CHD3: variants seen among roughly 807,000 people sequenced by gnomAD.
CHD3 encodes chromodomain helicase DNA binding protein 3, also known as ATP-dependent chromatin remodeler CHD3.
CHD3 carries 52 observed loss-of-function variants against 248.9 expected under a neutral mutation model. That is an observed-to-expected ratio of 0.21 (90% CI 0.17 to 0.26). The LOEUF (loss-of-function observed/expected upper bound fraction) is 0.26. Among genes scored for constraint, CHD3 ranks in the 10% least tolerant of loss-of-function variants. The pLI, the probability that CHD3 is intolerant of heterozygous loss-of-function variation, is 1.00. For missense variants in CHD3, 1,482 were observed against 2,605.8 expected, an observed-to-expected ratio of 0.57 and a Z score of 9.39; for synonymous variants, 985 against 985.2, an observed-to-expected ratio of 1.00 and a Z score of 0.00.
At position 7,890,884 on chromosome 17, in the gene CHD3, C is replaced by G. The variant is rs12450454; in HGVS notation, c.385-56C>G. On this transcript the variant is annotated intron_variant, in intron 3 of 39. Coordinates refer to ENST00000330494, the MANE Select transcript of CHD3 (RefSeq NM_001005273.3). ...GTGGGTAGGTAGACAGGCCTGTGTGCGGCCTGGAATAGGGGCTGGAGGAGC... is the reference window on the plus strand; with the variant it reads ...GTGGGTAGGTAGACAGGCCTGTGTGGGGCCTGGAATAGGGGCTGGAGGAGC... The G allele has an allele frequency of 0.48, 776,153 of 1,608,024 alleles. 202,521 individuals are homozygous for G. The highest frequency in any genetic ancestry group is 0.97 in the East Asian group (43,577 of 44,816).
rs1257053893 is a variant in CHD3, at chr17:7,890,609, C to T, written c.252C>T (p.Tyr84=). 2 of 1,600,944 alleles carry T rather than the reference C, an allele frequency of 1.2e-6. No homozygotes were observed. The highest frequency in any genetic ancestry group is 1.7e-6 in the Non-Finnish European group (2 of 1,175,880). The change falls in exon 3 of 40, where the codon TAC becomes TAT. Residue 84 remains tyrosine (Y), a synonymous_variant. Transcript: ENST00000330494. ...EEEFGSERDE[Y]REKSESGGSE... Reference sequence around the variant, plus strand: ...AATTTGGTTCTGAGCGAGATGAGTACCGGGAGAAGTCAGAGAGTGGGGGCA... The same window carrying T: ...AATTTGGTTCTGAGCGAGATGAGTATCGGGAGAAGTCAGAGAGTGGGGGCA...
chr17:7,891,795 AG>A (rs1268284294), intron 4 of CHD3, among the ~76,000 whole-genome samples: 6 of 151,048 alleles, frequency 4.0e-5, no homozygotes, highest in Non-Finnish European at 7.4e-5. Flanking sequence ...CGGGAGGCAA[AG>A]GTTGTAGTGA....
chr17:7,911,648 C>T lies in CHD3; in HGVS notation c.*63C>T, dbSNP rs1357517901. On this transcript the variant is annotated 3_prime_UTR_variant, in exon 40 of 40. Coordinates refer to ENST00000330494, the MANE Select transcript of CHD3 (RefSeq NM_001005273.3). The surrounding 1 kb of genome is among the most constrained non-coding windows in gnomAD (Gnocchi z 5.4). ...CCGAGGCCGACCCCCAGCTCAAGCG[C>T]TGGGGCCTGCTGCCAGCCCTCCACC... 5 of 1,609,732 alleles carry T rather than the reference C, an allele frequency of 3.1e-6. No homozygotes were observed. The highest frequency in any genetic ancestry group is 4.2e-6 in the Non-Finnish European group (5 of 1,177,664).
At chr17:7,901,990 G>C (rs1357812952) in intron 20 of CHD3, among the ~76,000 whole-genome samples, 1 of 152,002 alleles carries the variant, frequency 6.6e-6, no homozygotes, top group Non-Finnish European at 1.5e-5. Flanking sequence ...GAAAGCTCTG[G>C]GTCTACTCAC....
chr17:7,897,936 C>G lies in CHD3; in HGVS notation c.1920-35C>G, dbSNP rs1969884524. 1.5e-5 allele frequency: 24 copies of G among 1,596,930 alleles called. No individual in the cohort carries two copies. Among genetic ancestry groups the G allele is most frequent in the Non-Finnish European group, 2.0e-5 (24 of 1,172,812 alleles). Reference sequence around the variant, plus strand: ...CTGTTTGTGATCTGTGCAATATTTTCCTCCTGCTCCTCCCCATGGCCTCCT... The same window carrying G: ...CTGTTTGTGATCTGTGCAATATTTTGCTCCTGCTCCTCCCCATGGCCTCCT... On this transcript the variant is annotated intron_variant, in intron 11 of 39. Transcript: ENST00000330494. The surrounding 1 kb of genome is among the most constrained non-coding windows in gnomAD (Gnocchi z 4.8).
chr17:7,900,986 C>T lies in CHD3; in HGVS notation c.3113C>T (p.Ala1038Val). Residue 1038 changes from alanine to valine, a missense_variant, in exon 19 of 40, where the codon GCT becomes GTT. By Grantham distance (64) the Ala-to-Val change is moderately conservative. Around this residue, in one of 20 missense-constraint regions of CHD3, gnomAD observed 31 missense variants for 53.9 expected, o/e 0.58. Transcript: ENST00000330494. This position sits in a 1 kb window ranked among gnomAD's most constrained non-coding sequence, Gnocchi z 6.5. ...CCNHPYLFPV[A>V]AMESPKLPSG... The stretch of plus-strand genomic sequence containing the variant: ...AACCATCCATACCTTTTTCCCGTGG[C>T]TGCTATGGTAGATACACAGAGCAGG... 6.2e-7 allele frequency: 1 copy of T among 1,613,852 alleles called. No individual in the cohort carries two copies. Among genetic ancestry groups the T allele is most frequent in the Non-Finnish European group, 8.5e-7 (1 of 1,179,914 alleles).
At chr17:7,891,365 C>G (rs770602934) in intron 4 of CHD3, among the ~76,000 whole-genome samples, 3 of 152,134 alleles carry the variant, frequency 2.0e-5, no homozygotes, top group Non-Finnish European at 2.9e-5. Flanking sequence ...CTCCCCTGCC[C>G]CAACAGCTCC....
At position 7,894,992 on chromosome 17, in the gene CHD3, AAGG is replaced by A. The variant is rs1339915406; in HGVS notation, c.1356_1358del (p.Glu452del). 5 of 1,613,892 alleles carry A rather than the reference AAGG, an allele frequency of 3.1e-6. No homozygotes were observed. In the South Asian group the frequency reaches 3.3e-5, roughly 11 times the overall value. On this transcript the variant is annotated inframe_deletion, in exon 9 of 40. Coordinates refer to ENST00000330494, the MANE Select transcript of CHD3 (RefSeq NM_001005273.3). ...AGAGGAGGGAGAGGAAGAAGGGGAG[AAGG>A]AGGAGGAGGATGATCACATGGAGTA...
rs758602055 is a variant in CHD3 at position 7,897,151 on chromosome 17, C to T, written c.1776C>T (p.Pro592=). 109 of 1,614,056 alleles carry T rather than the reference C, an allele frequency of 6.8e-5. No homozygotes were observed. Among genetic ancestry groups the T allele is most frequent in the Non-Finnish European group, 8.7e-5 (103 of 1,180,028 alleles). The part of the protein sequence containing the change: ...QRKNDMDEPP[P]LDYGSGEDDG... ...AGAATGACATGGATGAGCCCCCACC[C>T]CTGGACTATGGCTCCGGCGAGGATG... The change falls in exon 11 of 40, where the codon CCC becomes CCT. Residue 592 remains proline (P), a synonymous_variant. Transcript: ENST00000330494. The surrounding 1 kb of genome is among the most constrained non-coding windows in gnomAD (Gnocchi z 4.8).
rs1971731091 is a variant in CHD3 at position 7,912,084 on chromosome 17, G to C, written c.*499G>C. ...GCCCTGGGAGGGAGGAAGGGACGAG[G>C]AGGGGTGGCTGCATGTTACCGTCCC... On this transcript the variant is annotated 3_prime_UTR_variant, in exon 40 of 40. Transcript: ENST00000330494. The C allele has an allele frequency of 3.8e-6, 1 of 262,614 alleles. No homozygotes were observed. The highest frequency in any genetic ancestry group is 3.8e-5 in the South Asian group (1 of 26,576). The allele number at this position is 262,614 out of a possible 1,614,324, so 16.3% of individuals were successfully genotyped here. A position where few individuals can be genotyped will look rare whatever the true frequency, so the allele number is the denominator to read the frequency against.
chr17:7,904,572 G>A lies in CHD3; in HGVS notation c.4025G>A (p.Arg1342Gln), dbSNP rs1567863732. The stretch of plus-strand genomic sequence containing the variant: ...GCCCGGAATCTAGGCAAGGGCAAGC[G>A]GGTTCGCAAGCAAGTTAACTACAAT... ...DLARNLGKGK[R>Q]VRKQVNYNDA... Residue 1342 changes from arginine to glutamine, a missense_variant, in exon 25 of 40, where the codon CGG becomes CAG. Arg to Gln is a conservative substitution (Grantham distance 43, BLOSUM62 1). Around this residue, in one of 20 missense-constraint regions of CHD3, gnomAD observed 156 missense variants for 420.3 expected, o/e 0.37. Transcript: ENST00000330494. The surrounding 1 kb of genome is among the most constrained non-coding windows in gnomAD (Gnocchi z 4.4). The A allele has an allele frequency of 6.2e-7, 1 of 1,614,092 alleles. No individual in the cohort carries two copies. Among genetic ancestry groups the A allele is most frequent in the Non-Finnish European group, 8.5e-7 (1 of 1,180,018 alleles).
chr17:7,899,231 C>T lies in CHD3; in HGVS notation c.2343+29C>T, dbSNP rs774377189. On this transcript the variant is annotated intron_variant, in intron 14 of 39. Coordinates refer to ENST00000330494, the MANE Select transcript of CHD3 (RefSeq NM_001005273.3). The surrounding 1 kb of genome is among the most constrained non-coding windows in gnomAD (Gnocchi z 6.8). Reference sequence around the variant, plus strand: ...CTGGATTCTAGGACCTTGAAGGGGACCGCCTGGACTGGGGAAGTGGGGAGG... The same window carrying T: ...CTGGATTCTAGGACCTTGAAGGGGATCGCCTGGACTGGGGAAGTGGGGAGG... The T allele has an allele frequency of 1.2e-6, 2 of 1,606,162 alleles. No individual in the cohort carries two copies. Among genetic ancestry groups the T allele is most frequent in the Non-Finnish European group, 1.7e-6 (2 of 1,173,706 alleles).
chr17:7,910,875 C>T lies in CHD3; in HGVS notation c.5783C>T (p.Pro1928Leu). ...PAYPPGPYAT[P>L]PGYGAAFSAA... is the part of the protein sequence containing the mutation. The stretch of plus-strand genomic sequence containing the variant: ...TACCCGCCGGGTCCCTACGCTACAC[C>T]TCCGGGGTACGGGGCGGCCTTCAGC... Residue 1928 changes from proline (P) to leucine (L), a missense_variant, in exon 39 of 40, where the codon CCT becomes CTT. Pro to Leu is a moderately conservative substitution (Grantham distance 98). Coordinates refer to ENST00000330494, the MANE Select transcript of CHD3 (RefSeq NM_001005273.3). This position sits in a 1 kb window ranked among gnomAD's most constrained non-coding sequence, Gnocchi z 4.7. 6.2e-7 allele frequency: 1 copy of T among 1,611,854 alleles called. No homozygotes were observed.
upstream of CHD3, chr17:7,885,305 C>T (rs1280265178): frequency 2.2e-4 from 41 of 188,112 alleles, no homozygotes; most frequent in Admixed American, 4.5e-4. Context: ...CCGCACCCCT[C>T]CCCCGCCGCC....
chr17:7,907,723 G>T lies in CHD3; in HGVS notation c.5026+21G>T. 2.6e-6 allele frequency: 4 copies of T among 1,518,458 alleles called. No individual in the cohort carries two copies. The highest frequency in any genetic ancestry group is 3.5e-6 in the Non-Finnish European group (4 of 1,136,448). 94.1% of individuals were successfully genotyped at this position (1,518,458 alleles called of 1,614,324 possible). ...GAGAGGTAATGGGTGGAAGGGACCG[G>T]ACACCTGGGTCCCAGAGGGCATCAG... On this transcript the variant is annotated intron_variant, in intron 33 of 39. Transcript: ENST00000330494. This position sits in a 1 kb window ranked among gnomAD's most constrained non-coding sequence, Gnocchi z 4.3.
At chr17:7,902,186 C>A (rs143485678) in intron 20 of CHD3, among the ~76,000 whole-genome samples, 1 of 151,746 alleles carries the variant, frequency 6.6e-6, no homozygotes, top group South Asian at 2.1e-4. Flanking sequence ...TTTGGGAGGC[C>A]GAGGCAGGAA....
Position 7,910,800 on chromosome 17 carries a change from T to A in CHD3, c.5755-47T>A. ...TGTCTCTCCTACAGCTTCTTTCCTC[T>A]CACAGACTATGAACTAACTCCAACT... is the stretch of plus-strand genomic sequence containing the variant. On this transcript the variant is annotated intron_variant, in intron 38 of 39. Coordinates refer to ENST00000330494, the MANE Select transcript of CHD3 (RefSeq NM_001005273.3). The surrounding 1 kb of genome is among the most constrained non-coding windows in gnomAD (Gnocchi z 4.7). 6.3e-7 allele frequency: 1 copy of A among 1,575,504 alleles called. No homozygotes were observed. Among genetic ancestry groups the A allele is most frequent in the Non-Finnish European group, 8.6e-7 (1 of 1,163,924 alleles).
chr17:7,910,663 C>T lies in CHD3; in HGVS notation c.5754+72C>T. ...CCTGCACACATACAAACACTTCCAT[C>T]AGAATCCTATACAATATGGAAAAAC... On this transcript the variant is annotated intron_variant, in intron 38 of 39. Transcript: ENST00000330494. The surrounding 1 kb of genome is among the most constrained non-coding windows in gnomAD (Gnocchi z 4.7). 1 of 1,547,198 alleles carries T rather than the reference C, an allele frequency of 6.5e-7. No homozygotes were observed. The highest frequency in any genetic ancestry group is 8.7e-7 in the Non-Finnish European group (1 of 1,145,790).
In CHD3 at chr17:7,905,087, T is replaced by C. The variant is rs755976273; in HGVS notation, c.4073-13T>C. ...AGCCCTCCCTGACCACTGGGCCCTTTCCACCCCCACAGACAACCAGTCAGA... is the reference window on the plus strand; with the variant it reads ...AGCCCTCCCTGACCACTGGGCCCTTCCCACCCCCACAGACAACCAGTCAGA... On this transcript the variant is annotated splice_polypyrimidine_tract_variant and intron_variant, in intron 25 of 39. Coordinates refer to ENST00000330494, the MANE Select transcript of CHD3 (RefSeq NM_001005273.3). The surrounding 1 kb of genome is among the most constrained non-coding windows in gnomAD (Gnocchi z 5.8). 5.6e-6 allele frequency: 9 copies of C among 1,613,826 alleles called. No homozygotes were observed. Among genetic ancestry groups the C allele is most frequent in the East Asian group, 2.2e-5 (1 of 44,878 alleles).
Sources: allele counts gnomAD v4.1 joint callset (sites outside exome capture counted in the v4.1 genomes callset), GRCh38; gene constraint gnomAD v4.1.1; regional missense constraint gnomAD v4.1.1; non-coding constraint Gnocchi (gnomAD v3.1); transcripts MANE v1.5; gene names NCBI Gene and HGNC (gene_info 2026-07-23, HGNC 2026-07-21).